The following ROPN1L variants were observed in gnomAD, a reference collection of about 807,000 sequenced individuals.
ROPN1L encodes the protein ropporin-1-like protein.
In ROPN1L, 23 loss-of-function variants were observed where a neutral mutation model predicts 22.7. The observed-to-expected ratio is 1.01, with a 90% CI of 0.73 to 1.43. ROPN1L has a LOEUF of 1.43. Among genes scored for constraint, ROPN1L ranks in the 40% most tolerant of loss-of-function variants. ROPN1L has a pLI of 0.00. For missense variants in ROPN1L, 271 were observed against 291.5 expected, an observed-to-expected ratio of 0.93 and a Z score of 0.51; for synonymous variants, 116 against 117.8, an observed-to-expected ratio of 0.98 and a Z score of 0.10.
intron 1 of ROPN1L, among the ~76,000 whole-genome samples, chr5:10,442,579 C>G (rs1374784691): frequency 1.3e-5 from 2 of 152,196 alleles, no homozygotes; most frequent in East Asian, 3.8e-4. Context: ...TGAAGATAGA[C>G]TAAAACTTAA....
downstream of ROPN1L, among the ~76,000 whole-genome samples, chr5:10,473,065 C>A (rs1256469084): frequency 6.6e-6 from 1 of 152,200 alleles, no homozygotes; most frequent in Non-Finnish European, 1.5e-5. Context: ...ACCCAGCAGG[C>A]AAGTCCCCCT....
chr5:10,469,016 G>C (rs964119545), downstream of ROPN1L, among the ~76,000 whole-genome samples: 1 of 152,088 alleles, frequency 6.6e-6, no homozygotes, highest in Non-Finnish European at 1.5e-5. Flanking sequence ...TTAGCCGGGC[G>C]TGGTGGCAGG....
At chr5:10,458,184 T>TTGTCCTTCCTGTCC (rs1188677981) in intron 3 of ROPN1L, among the ~76,000 whole-genome samples, 2 of 152,040 alleles carry the variant, frequency 1.3e-5, no homozygotes, top group East Asian at 3.9e-4. Context: ...CCGCCAGTCC[T>TTGTCCTTCCTGTCC]TGTCCTTCCT....
downstream of ROPN1L, among the ~76,000 whole-genome samples, chr5:10,474,865 T>G (rs1280083599): frequency 6.6e-6 from 1 of 152,242 alleles, no homozygotes; most frequent in Non-Finnish European, 1.5e-5. Context: ...GGTGGTTTTT[T>G]ATGACCAAGT....
chr5:10,444,817 T>C (rs566673059), intron 1 of ROPN1L, among the ~76,000 whole-genome samples: 3 of 151,680 alleles, frequency 2.0e-5, no homozygotes, highest in Admixed American at 1.3e-4. Context: ...GAGAATTGTT[T>C]GAAACCGGGA....
At chr5:10,451,859 A>G (rs1373131953) in intron 3 of ROPN1L, among the ~76,000 whole-genome samples, 1 of 152,254 alleles carries the variant, frequency 6.6e-6, no homozygotes, top group African/African-American at 2.4e-5. Context: ...TTATCAAGAT[A>G]GACAAAGGCA....
rs34857008 is a variant in ROPN1L, at chr5:10,443,190, A to ATT, written c.131+899_131+900dup. On this transcript the variant is annotated intron_variant, in intron 1 of 4. Coordinates refer to ENST00000274134, the MANE Select transcript of ROPN1L (RefSeq NM_031916.5). ...GGTAACACAGCAAGACCCCATCTGTATTTTTTTTAATAAGAAAACTAATTT... is the reference window on the plus strand; with the variant it reads ...GGTAACACAGCAAGACCCCATCTGTATTTTTTTTTTAATAAGAAAACTAATTT... Among the ~76,000 whole-genome samples the ATT allele has an allele frequency of 1.3e-4, 19 of 151,518 alleles. No homozygotes were observed. The South Asian group carries it at 2.9e-3, about 23-fold the overall frequency.
downstream of ROPN1L, among the ~76,000 whole-genome samples, chr5:10,474,058 A>G (rs1233747374): frequency 3.9e-5 from 6 of 152,068 alleles, no homozygotes; most frequent in African/African-American, 1.2e-4. Flanking sequence ...AGGCTGAGGC[A>G]CAAAAATCGC....
At chr5:10,475,634 A>G (rs1331164648), downstream of ROPN1L, among the ~76,000 whole-genome samples, 2 of 152,238 alleles carry the variant, frequency 1.3e-5, no homozygotes, top group African/African-American at 4.8e-5. Context: ...AATAAAAAAT[A>G]ATGCCCAAGT....
chr5:10,457,312 G>A lies in ROPN1L; in HGVS notation c.418-3872G>A, dbSNP rs111576232. Among the ~76,000 whole-genome samples, 1,123 of 152,338 alleles carry A rather than the reference G, an allele frequency of 7.4e-3. 17 individuals carry two copies. The highest frequency in any genetic ancestry group is 0.026 in the African/African-American group (1,086 of 41,578). On this transcript the variant is annotated intron_variant, in intron 3 of 4. Coordinates refer to ENST00000274134, the MANE Select transcript of ROPN1L (RefSeq NM_031916.5). ...ATGGGAGGAACTGCCCCATCAGGCC[G>A]CTGGGGACAGGGAGATCAGTTCTGT...
intron 4 of ROPN1L, among the ~76,000 whole-genome samples, chr5:10,462,411 C>T (rs762402903): frequency 3.3e-5 from 5 of 152,214 alleles, no homozygotes; most frequent in Non-Finnish European, 7.3e-5. Flanking sequence ...AGGCCATCAG[C>T]GAAAGCAAGC....
chr5:10,449,238 G>A (rs1741176444), intron 2 of ROPN1L, among the ~76,000 whole-genome samples: 1 of 152,234 alleles, frequency 6.6e-6, no homozygotes, highest in Admixed American at 6.5e-5. Context: ...TAGAAGGAAG[G>A]CCGGGCATGG....
At chr5:10,478,564 A>G in the ROPN1L span, among the ~76,000 whole-genome samples, 1 of 151,866 alleles carries the variant, frequency 6.6e-6, no homozygotes. Flanking sequence ...CATTACTCCA[A>G]TCTCTGCCTC....
intron 3 of ROPN1L, among the ~76,000 whole-genome samples, chr5:10,460,104 C>T (rs2673855): frequency 0.15 from 23,539 of 152,064 alleles, 2,568 homozygotes; most frequent in East Asian, 0.57. Flanking sequence ...AGGCCAGCTG[C>T]GGAATTAGGA....
downstream of ROPN1L, among the ~76,000 whole-genome samples, chr5:10,476,390 G>C (rs953983299): frequency 6.6e-6 from 1 of 152,236 alleles, no homozygotes; most frequent in Non-Finnish European, 1.5e-5. Context: ...GATCTGAAGA[G>C]CTTGCAAAAA....
chr5:10,469,512 A>G (rs551738605), downstream of ROPN1L, among the ~76,000 whole-genome samples: 6 of 152,208 alleles, frequency 3.9e-5, no homozygotes, highest in African/African-American at 7.2e-5. Flanking sequence ...AGTTCCTGGC[A>G]TTCATACGGT....
chr5:10,471,204 T>C (rs1287239686), intron 4 of ROPN1L, among the ~76,000 whole-genome samples: 1 of 152,134 alleles, frequency 6.6e-6, no homozygotes, highest in African/African-American at 2.4e-5. Context: ...GTAGTGTGAT[T>C]TTGGTTCACC....
At chr5:10,448,737 G>A (rs1002502916) in intron 2 of ROPN1L, among the ~76,000 whole-genome samples, 2 of 152,234 alleles carry the variant, frequency 1.3e-5, no homozygotes, top group Admixed American at 6.5e-5. Context: ...TTCTCCAGGT[G>A]TGTGTTTGTG....
intron 3 of ROPN1L, among the ~76,000 whole-genome samples, chr5:10,455,798 C>T (rs151004374): frequency 2.0e-4 from 29 of 148,328 alleles, no homozygotes; most frequent in African/African-American, 7.5e-4. Context: ...CTTTTAAAAA[C>T]CAGTGCTCGG....
Sources: gnomAD v4.1 joint callset for allele counts (sites outside exome capture counted in the v4.1 genomes callset) on GRCh38, gnomAD v4.1.1 for gene constraint, MANE v1.5 for transcripts, NCBI Gene and HGNC (gene_info 2026-07-23, HGNC 2026-07-21) for gene names.